The following FLI1 variants were observed in gnomAD, a reference collection of about 807,000 sequenced individuals.
FLI1 encodes Fli-1 proto-oncogene, ETS transcription factor, also known as Friend leukemia integration 1 transcription factor.
In FLI1, 13 loss-of-function variants were observed where a neutral mutation model predicts 53.1. The ratio of observed to expected loss-of-function variants is 0.24; its 90% CI spans 0.16 to 0.39. FLI1 has a LOEUF of 0.39. FLI1 is among the 10% of genes least tolerant of loss of function. The probability of loss-of-function intolerance (pLI) is 1.00; values close to 1 mark genes in which losing one functional copy is unlikely to be tolerated. For missense variants in FLI1, 424 were observed against 600.5 expected (o/e 0.71, Z 3.07); for synonymous variants, 244 against 236.7 (o/e 1.03, Z -0.28).
intron 4 of FLI1, among the ~76,000 whole-genome samples, chr11:128,776,561 G>T (rs1941733096): frequency 6.6e-6 from 1 of 152,216 alleles, no homozygotes; most frequent in Admixed American, 6.5e-5. Flanking sequence ...TGAGGCAGGA[G>T]AGTCGCTTGA....
At chr11:128,748,533 TGAGGCAGGAGAATTACTTGACCCTGG>T (rs1351457477) in intron 1 of FLI1, among the ~76,000 whole-genome samples, 1 of 151,898 alleles carries the variant, frequency 6.6e-6, no homozygotes, top group Non-Finnish European at 1.5e-5. Flanking sequence ...CTCAGGAGGC[TGAGGCAGGAGAATTACTTGACCCTGG>T]GAGGCAGAGG....
At chr11:128,758,055 G>C (rs1940961279) in intron 1 of FLI1, 60 bp from the exon 2 acceptor site, 20 of 1,471,122 alleles carry the variant, frequency 1.4e-5, no homozygotes, top group Non-Finnish European at 1.9e-5. Flanking sequence ...CAAAGCAAGA[G>C]TGTCACTTGC....
At chr11:128,769,612 G>A (rs889361895) in intron 3 of FLI1, among the ~76,000 whole-genome samples, 1 of 152,180 alleles carries the variant, frequency 6.6e-6, no homozygotes, top group Non-Finnish European at 1.5e-5. Flanking sequence ...GAGTGAGGCA[G>A]CAGACGGGTG....
chr11:128,698,733 T>TGTGTGTGTGAGAGA (rs766077047), intron 1 of FLI1, among the ~76,000 whole-genome samples: 2,557 of 133,718 alleles, frequency 0.019, 34 homozygotes, highest in Non-Finnish European at 0.025. Flanking sequence ...TGTGTGTGTG[T>TGTGTGTGTGAGAGA]GAGAGAGAGA....
intron 4 of FLI1, among the ~76,000 whole-genome samples, chr11:128,775,856 A>G (rs998054855): frequency 2.6e-5 from 4 of 152,274 alleles, no homozygotes; most frequent in African/African-American, 9.6e-5. Flanking sequence ...AATAGCTGAG[A>G]TCCTTCACTC....
At chr11:128,704,953 C>T (rs1008239199) in intron 1 of FLI1, among the ~76,000 whole-genome samples, 2 of 152,200 alleles carry the variant, frequency 1.3e-5, no homozygotes, top group African/African-American at 4.8e-5. Flanking sequence ...CCTGTAACAA[C>T]CCTGTGATGT....
chr11:128,736,934 T>A (rs1160046836), intron 1 of FLI1, among the ~76,000 whole-genome samples: 2 of 152,166 alleles, frequency 1.3e-5, no homozygotes, highest in Non-Finnish European at 2.9e-5. Flanking sequence ...AGCCCCTGGT[T>A]TGCATTCTTC....
chr11:128,764,383 C>T (rs151209086), intron 2 of FLI1, among the ~76,000 whole-genome samples: 59 of 152,346 alleles, frequency 3.9e-4, no homozygotes, highest in Middle Eastern at 3.4e-3. Context: ...CTACCCTCGG[C>T]AGCTCTGCTG....
At chr11:128,731,933 G>C (rs1939714399) in intron 1 of FLI1, among the ~76,000 whole-genome samples, 2 of 152,052 alleles carry the variant, frequency 1.3e-5, no homozygotes, top group South Asian at 4.1e-4. Context: ...GAACCGGGAG[G>C]CGGAGGTTGC....
intron 5 of FLI1, among the ~76,000 whole-genome samples, chr11:128,783,013 A>C (rs1941968842): frequency 6.6e-6 from 1 of 152,212 alleles, no homozygotes; most frequent in African/African-American, 2.4e-5. Context: ...GGCATAGCAA[A>C]AATTCCACAG....
chr11:128,778,518 ACT>A (rs1320976679), intron 4 of FLI1, among the ~76,000 whole-genome samples: 1 of 152,128 alleles, frequency 6.6e-6, no homozygotes, highest in East Asian at 1.9e-4. Context: ...TGCCTTCTGC[ACT>A]CTCTGGCTGT....
chr11:128,780,503 G>A (rs746112006), intron 4 of FLI1, among the ~76,000 whole-genome samples: 10 of 152,240 alleles, frequency 6.6e-5, no homozygotes, highest in Non-Finnish European at 1.0e-4. Context: ...GCTGAGGCAG[G>A]AGAATCACTT....
chr11:128,750,203 G>A (rs914903217), intron 1 of FLI1, among the ~76,000 whole-genome samples: 14 of 152,224 alleles, frequency 9.2e-5, no homozygotes, highest in African/African-American at 3.4e-4. Flanking sequence ...ACTGAGCAGG[G>A]CAGCCACAGG....
chr11:128,732,914 G>A (rs1029036398), intron 1 of FLI1, among the ~76,000 whole-genome samples: 40 of 152,208 alleles, frequency 2.6e-4, no homozygotes, highest in African/African-American at 9.4e-4. Flanking sequence ...GAGAAGTAGA[G>A]TCCTTCAGCG....
At chr11:128,722,031 G>A (rs372858482) in intron 1 of FLI1, among the ~76,000 whole-genome samples, 3 of 152,158 alleles carry the variant, frequency 2.0e-5, no homozygotes, top group Admixed American at 2.0e-4. Flanking sequence ...AGGCAGCCCA[G>A]GTAGTATGGT....
chr11:128,809,131 G>A (rs1942866482), intron 7 of FLI1, 26 bp from the exon 8 acceptor site: 2 of 1,608,270 alleles, frequency 1.2e-6, no homozygotes, highest in Non-Finnish European at 1.7e-6. Context: ...AAACACTGAA[G>A]CAAATTTCCT....
intron 2 of FLI1, chr11:128,764,543 TG>T: frequency 9.7e-7 from 1 of 1,033,868 alleles, no homozygotes; most frequent in South Asian, 1.4e-5. Context: ...CCATGCTAGC[TG>T]TAAGTGCAGG....
intron 1 of FLI1, among the ~76,000 whole-genome samples, chr11:128,739,350 C>G (rs994952867): frequency 3.3e-5 from 5 of 152,104 alleles, no homozygotes; most frequent in African/African-American, 1.2e-4. Flanking sequence ...AAAACAAGCC[C>G]GGAAAGGCTG....
intron 1 of FLI1, among the ~76,000 whole-genome samples, chr11:128,727,914 G>C (rs371911344): frequency 6.6e-6 from 1 of 152,202 alleles, no homozygotes; most frequent in East Asian, 1.9e-4. Flanking sequence ...GAGTTAAAGC[G>C]GGGAGAAGAG....
Sources: gnomAD v4.1 joint callset for allele counts (sites outside exome capture counted in the v4.1 genomes callset) on GRCh38, gnomAD v4.1.1 for gene constraint, MANE v1.5 for transcripts, NCBI Gene and HGNC (gene_info 2026-07-23, HGNC 2026-07-21) for gene names.